The following NINL variants were observed in gnomAD, a reference collection of about 807,000 sequenced individuals.
NINL encodes the protein ninein-like protein.
NINL carries 153 observed loss-of-function variants against 160.3 expected under a neutral mutation model. The observed-to-expected ratio is 0.95, with a 90% CI of 0.84 to 1.09. The LOEUF (loss-of-function observed/expected upper bound fraction) is 1.09. NINL is among the 50% of genes least tolerant of loss of function. NINL has a pLI of 0.00. For missense variants in NINL, 1,829 were observed against 1,764.0 expected (o/e 1.04, Z -0.66); for synonymous variants, 800 against 734.8 (o/e 1.09, Z -1.43).
At chr20:25,482,482 G>A (rs1031055923) in intron 13 of NINL, among the ~76,000 whole-genome samples, 2 of 152,116 alleles carry the variant, frequency 1.3e-5, no homozygotes, top group African/African-American at 4.8e-5. Flanking sequence ...GGGATTACAG[G>A]TGTGCGCCAC....
In NINL at chr20:25,512,932, A is replaced by G. The variant is rs757644201; in HGVS notation, c.352T>C (p.Cys118Arg). 1 of 1,614,202 alleles carries G rather than the reference A, an allele frequency of 6.2e-7. No individual in the cohort carries two copies. The highest frequency in any genetic ancestry group is 8.5e-7 in the Non-Finnish European group (1 of 1,180,030). Residue 118 changes from cysteine to arginine, a missense_variant, in exon 4 of 24, where the codon TGT becomes CGT. Coordinates refer to ENST00000278886, the MANE Select transcript of NINL (RefSeq NM_025176.6). ...CGTCTGGCTTCTGTGGCAGCGTCAC[A>G]TAGCTCAGGCCGGCTCCGACGGCCA... ...WYGRRSRPELCDAATEARRVP... is the reference protein window; with the variant it reads ...WYGRRSRPELRDAATEARRVP...
chr20:25,453,551 T>G lies in NINL; in HGVS notation c.4049A>C (p.Lys1350Thr). Residue 1350 changes from lysine (K) to threonine (T), a missense_variant, in exon 24 of 24, where the codon AAG (lysine) becomes ACG (threonine). By Grantham distance (78) the Lys-to-Thr change is moderately conservative. Transcript: ENST00000278886. ...GCTTTGTTTCTCGGCGCCTCGCTGC[T>G]TCTCCTCGGTGGCCTGAAGTGCTCT... is the stretch of plus-strand genomic sequence containing the variant. ...LVRALQATEE[K>T]QRGAEKQSRL... 1 of 1,614,150 alleles carries G rather than the reference T, an allele frequency of 6.2e-7. No individual in the cohort carries two copies. The highest frequency in any genetic ancestry group is 8.5e-7 in the Non-Finnish European group (1 of 1,180,004).
Position 25,470,058 on chromosome 20 carries a change from A to G in NINL, c.3286T>C (p.Leu1096=). The G allele has an allele frequency of 3.1e-6, 5 of 1,614,134 alleles. No individual in the cohort carries two copies. Among genetic ancestry groups the G allele is most frequent in the Non-Finnish European group, 3.4e-6 (4 of 1,180,018 alleles). The change falls in exon 18 of 24, where the codon TTG becomes CTG. Residue 1096 remains leucine, a synonymous_variant. Coordinates refer to ENST00000278886, the MANE Select transcript of NINL (RefSeq NM_025176.6). ...CGAACCCTTCCCAGATCGTTTTTCA[A>G]CAAAGTGTTTTCTTCAGAAAGTCTA... ...FHRLSEENTL[L]KNDLGRVRQE...
intron 18 of NINL, among the ~76,000 whole-genome samples, chr20:25,468,699 G>C (rs560910720): frequency 7.1e-5 from 10 of 140,490 alleles, no homozygotes; most frequent in African/African-American, 2.7e-4. Flanking sequence ...TCACTGGTGG[G>C]CGCCTCTCTG....
chr20:25,500,242 C>T, intron 8 of NINL, among the ~76,000 whole-genome samples: 1 of 152,244 alleles, frequency 6.6e-6, no homozygotes, highest in East Asian at 1.9e-4. Flanking sequence ...ATCTCCAGGG[C>T]TGGCCTGCAT....
chr20:25,499,247 C>T (rs2146771293), intron 8 of NINL: 1 of 985,164 alleles, frequency 1.0e-6, no homozygotes, highest in Non-Finnish European at 1.2e-6. Flanking sequence ...GCACACGCTC[C>T]CCACCACGTC....
chr20:25,465,139 C>T (rs1158431066), intron 19 of NINL, among the ~76,000 whole-genome samples: 2 of 152,206 alleles, frequency 1.3e-5, no homozygotes, highest in South Asian at 2.1e-4. Flanking sequence ...TTCCAGTTTA[C>T]AAGGCAGACA....
rs2387892 is a variant in NINL at position 25,514,713 on chromosome 20, G to A, written c.278-1707C>T. On this transcript the variant is annotated intron_variant, in intron 3 of 23. Transcript: ENST00000278886. ...GCTGGAGATAGAGCACCGCTGCCCT[G>A]TGCAACCTTGGGACACTGCTCCCTA... Among the ~76,000 whole-genome samples the A allele has an allele frequency of 3.1e-3, 471 of 152,332 alleles. 1 individual carries two copies. Among genetic ancestry groups the A allele is most frequent in the Middle Eastern group, 0.017 (5 of 294 alleles).
intron 1 of NINL, among the ~76,000 whole-genome samples, chr20:25,557,219 A>G (rs2064876906): frequency 6.6e-6 from 1 of 152,206 alleles, no homozygotes; most frequent in Non-Finnish European, 1.5e-5. Flanking sequence ...TGGAGAGACC[A>G]TATTAATAGA....
intron 1 of NINL, among the ~76,000 whole-genome samples, chr20:25,549,044 C>T (rs1249024351): frequency 1.4e-5 from 2 of 141,152 alleles, no homozygotes; most frequent in African/African-American, 2.8e-5. Context: ...CCACACCCAG[C>T]CTCACCCAGG....
intron 7 of NINL, among the ~76,000 whole-genome samples, chr20:25,503,514 G>A (rs1056029711): frequency 8.7e-5 from 13 of 148,604 alleles, no homozygotes; most frequent in Admixed American, 6.7e-4. Flanking sequence ...TGAGCAGCAC[G>A]TTCCTCACCT....
In NINL at chr20:25,476,106, A is replaced by C; in HGVS notation, c.3185T>G (p.Leu1062Arg). The C allele has an allele frequency of 6.2e-7, 1 of 1,614,196 alleles. No homozygotes were observed. Among genetic ancestry groups the C allele is most frequent in the South Asian group, 1.1e-5 (1 of 91,076 alleles). Residue 1062 changes from leucine (L) to arginine (R), a missense_variant, in exon 17 of 24, where the codon CTT becomes CGT. Leu to Arg is a moderately radical substitution (Grantham distance 102). Coordinates refer to ENST00000278886, the MANE Select transcript of NINL (RefSeq NM_025176.6). ...CCGGACGACGTCTTCCAGATGTAGAAGTTTGGTTTCCATGTCATCCTTCTC... is the reference window on the plus strand; with the variant it reads ...CCGGACGACGTCTTCCAGATGTAGACGTTTGGTTTCCATGTCATCCTTCTC... ...EREKDDMETK[L>R]LHLEDVVRAL...
chr20:25,545,849 C>A (rs886098159), intron 1 of NINL, among the ~76,000 whole-genome samples: 5 of 152,182 alleles, frequency 3.3e-5, no homozygotes, highest in South Asian at 2.1e-4. Context: ...AGGCCTTCTT[C>A]CTGATCCAGG....
intron 1 of NINL, among the ~76,000 whole-genome samples, chr20:25,553,241 T>A (rs1317351427): frequency 6.6e-6 from 1 of 150,784 alleles, no homozygotes; most frequent in Non-Finnish European, 1.5e-5. Context: ...TGGGTGGGAC[T>A]ACAGGTACCT....
intron 1 of NINL, among the ~76,000 whole-genome samples, chr20:25,550,261 C>G (rs1310500528): frequency 1.3e-5 from 2 of 152,154 alleles, no homozygotes; most frequent in African/African-American, 4.8e-5. Flanking sequence ...TGTATTCCCA[C>G]CTACTTGGGA....
intron 8 of NINL, chr20:25,499,063 C>T (rs377001268): frequency 5.1e-6 from 5 of 985,350 alleles, no homozygotes; most frequent in African/African-American, 1.7e-5. Flanking sequence ...CTGCTCAGGC[C>T]GGCGGCAGGC....
At chr20:25,561,066 A>G (rs1384846248) in intron 1 of NINL, among the ~76,000 whole-genome samples, 2 of 105,820 alleles carry the variant, frequency 1.9e-5, no homozygotes, top group African/African-American at 7.6e-5. Flanking sequence ...CTCTCTTTCC[A>G]CGGTCTCCCT....
intron 16 of NINL, among the ~76,000 whole-genome samples, chr20:25,477,948 G>A (rs1302662565): frequency 6.7e-6 from 1 of 149,008 alleles, no homozygotes; most frequent in Non-Finnish European, 1.5e-5. Context: ...TTTGAGACGA[G>A]TCTCACTTTT....
chr20:25,537,115 C>T (rs541126065), intron 1 of NINL, among the ~76,000 whole-genome samples: 3 of 152,268 alleles, frequency 2.0e-5, no homozygotes, highest in Non-Finnish European at 4.4e-5. Flanking sequence ...GAAACAGGGT[C>T]TCCCTCTTGT....
Sources: gnomAD v4.1 joint callset for allele counts (sites outside exome capture counted in the v4.1 genomes callset) on GRCh38, gnomAD v4.1.1 for gene constraint, MANE v1.5 for transcripts, NCBI Gene and HGNC (gene_info 2026-07-23, HGNC 2026-07-21) for gene names.